The following KANSL1L variants were observed in gnomAD, a reference collection of about 807,000 sequenced individuals.
KANSL1L encodes the protein KAT8 regulatory NSL complex subunit 1-like protein.
KANSL1L carries 25 observed loss-of-function variants against 108.6 expected under a neutral mutation model. The ratio of observed to expected loss-of-function variants is 0.23; its 90% CI spans 0.17 to 0.32. KANSL1L has a LOEUF of 0.32. Among genes scored for constraint, KANSL1L ranks in the 10% least tolerant of loss-of-function variants. KANSL1L has a pLI of 1.00. For synonymous variants in KANSL1L, 405 were observed against 395.1 expected, an observed-to-expected ratio of 1.03 and a Z score of -0.30; for missense variants, 1,137 against 1,125.7, an observed-to-expected ratio of 1.01 and a Z score of -0.14.
intron 6 of KANSL1L, among the ~76,000 whole-genome samples, chr2:210,063,066 T>C (rs928771250): frequency 1.1e-4 from 17 of 152,212 alleles, no homozygotes; most frequent in African/African-American, 3.9e-4. Flanking sequence ...GTCGCTGTGC[T>C]GTGTGCAGCC....
intron 1 of KANSL1L, among the ~76,000 whole-genome samples, chr2:210,155,651 G>C (rs949017475): frequency 1.3e-5 from 2 of 152,128 alleles, no homozygotes; most frequent in African/African-American, 4.8e-5. Context: ...AAATTTCATT[G>C]CATATTATCA....
At chr2:210,151,770 G>A (rs578024768) in intron 2 of KANSL1L, 1 of 152,176 alleles carries the variant, frequency 6.6e-6, no homozygotes, top group African/African-American at 2.4e-5. Context: ...AAAATAATCT[G>A]CGCTTATTAA....
chr2:210,045,882 T>C (rs1209884878), intron 6 of KANSL1L, among the ~76,000 whole-genome samples: 2 of 152,228 alleles, frequency 1.3e-5, no homozygotes, highest in Non-Finnish European at 2.9e-5. Flanking sequence ...TCTGTGTCTT[T>C]ACTTTTTTAG....
At chr2:210,172,434 C>G (rs1688385708), upstream of KANSL1L, among the ~76,000 whole-genome samples, 1 of 152,212 alleles carries the variant, frequency 6.6e-6, no homozygotes, top group African/African-American at 2.4e-5. Flanking sequence ...GCAGTCATAA[C>G]AAAGCGTAAT....
At chr2:210,097,265 A>G (rs950960836) in intron 5 of KANSL1L, 1 of 941,888 alleles carries the variant, frequency 1.1e-6, no homozygotes, top group Non-Finnish European at 1.3e-6. Context: ...ACTTAGCATA[A>G]TTTTCACCAT....
intron 5 of KANSL1L, among the ~76,000 whole-genome samples, chr2:210,080,610 C>T (rs958441212): frequency 1.3e-5 from 2 of 152,188 alleles, no homozygotes; most frequent in African/African-American, 4.8e-5. Flanking sequence ...CTTGAAGCCA[C>T]TTGCTATGTG....
At chr2:210,112,801 C>T (rs1460816755) in intron 3 of KANSL1L, among the ~76,000 whole-genome samples, 1 of 152,104 alleles carries the variant, frequency 6.6e-6, no homozygotes, top group South Asian at 2.1e-4. Context: ...ACCTAGACAC[C>T]ACCTGCATTG....
In KANSL1L at chr2:210,079,129, TA is replaced by T. The variant is rs1160535724; in HGVS notation, c.1551-3374del. On this transcript the variant is annotated intron_variant, in intron 5 of 14. Coordinates refer to ENST00000281772, the MANE Select transcript of KANSL1L (RefSeq NM_152519.4). ...CAACTCCTGCCTAGATGACAGTCCTTAAAAAATTTTTTTAAAGTCATAATAA... is the reference window on the plus strand; with the variant it reads ...CAACTCCTGCCTAGATGACAGTCCTTAAAAATTTTTTTAAAGTCATAATAA... Among the ~76,000 whole-genome samples, 3 of 151,928 alleles carry T rather than the reference TA, an allele frequency of 2.0e-5. No individual in the cohort carries two copies. The East Asian group carries it at 5.8e-4, about 29-fold the overall frequency.
At chr2:210,068,305 T>C (rs2094482239) in intron 6 of KANSL1L, among the ~76,000 whole-genome samples, 1 of 152,320 alleles carries the variant, frequency 6.6e-6, no homozygotes, top group Middle Eastern at 3.4e-3. Context: ...TCTTGTTTTT[T>C]TTAGCCATTT....
intron 6 of KANSL1L, among the ~76,000 whole-genome samples, chr2:210,062,725 G>C (rs1241232248): frequency 6.6e-6 from 1 of 152,154 alleles, no homozygotes; most frequent in Non-Finnish European, 1.5e-5. Context: ...ACTTGAGAGA[G>C]ATGATTTAGG....
intron 3 of KANSL1L, among the ~76,000 whole-genome samples, chr2:210,123,875 C>T (rs944112436): frequency 1.1e-4 from 16 of 151,826 alleles, no homozygotes; most frequent in African/African-American, 3.9e-4. Context: ...GAGCTTGACC[C>T]TCCAGTCTCC....
chr2:210,104,943 G>A (rs925182970), intron 3 of KANSL1L, among the ~76,000 whole-genome samples: 4 of 152,004 alleles, frequency 2.6e-5, no homozygotes, highest in African/African-American at 9.7e-5. Context: ...CTTTGATGGG[G>A]TATATTCTGA....
intron 8 of KANSL1L, among the ~76,000 whole-genome samples, chr2:210,039,857 T>C (rs1023000641): frequency 7.9e-5 from 12 of 151,866 alleles, no homozygotes; most frequent in Non-Finnish European, 1.8e-4. Flanking sequence ...CCCACTAATA[T>C]ACAATTCTTC....
intron 1 of KANSL1L, among the ~76,000 whole-genome samples, chr2:210,168,019 T>G (rs1688089891): frequency 6.6e-6 from 1 of 152,076 alleles, no homozygotes; most frequent in Non-Finnish European, 1.5e-5. Context: ...TCCTTGCCTT[T>G]CTAAATGGAA....
intron 5 of KANSL1L, among the ~76,000 whole-genome samples, chr2:210,091,329 A>T (rs1359955157): frequency 6.6e-6 from 1 of 152,138 alleles, no homozygotes; most frequent in Non-Finnish European, 1.5e-5. Flanking sequence ...CTCCTATGTG[A>T]CTATTTTCTA....
At chr2:210,125,953 C>G (rs1484813497) in intron 3 of KANSL1L, among the ~76,000 whole-genome samples, 1 of 152,052 alleles carries the variant, frequency 6.6e-6, no homozygotes, top group Non-Finnish European at 1.5e-5. Context: ...CACTTCTATT[C>G]AACACAGTAT....
chr2:210,032,274 A>G (rs999396975), intron 8 of KANSL1L: 6 of 152,236 alleles, frequency 3.9e-5, no homozygotes, highest in African/African-American at 1.2e-4. Flanking sequence ...TGGTTTCAAG[A>G]TGGCAAATGA....
chr2:210,022,556 A>C lies in KANSL1L; in HGVS notation c.*393T>G, dbSNP rs1475623667. 1 of 175,626 alleles carries C rather than the reference A, an allele frequency of 5.7e-6. No homozygotes were observed. Among genetic ancestry groups the C allele is most frequent in the Non-Finnish European group, 1.2e-5 (1 of 82,060 alleles). The allele number at this position is 175,626 out of a possible 1,614,324, so 10.9% of individuals were successfully genotyped here. On this transcript the variant is annotated 3_prime_UTR_variant, in exon 15 of 15. Coordinates refer to ENST00000281772, the MANE Select transcript of KANSL1L (RefSeq NM_152519.4). Reference sequence around the variant, plus strand: ...TATATTACTAAGGCAATTTTAATGAATTACCATGTATATAAAAAAATAGCT... The same window carrying C: ...TATATTACTAAGGCAATTTTAATGACTTACCATGTATATAAAAAAATAGCT...
chr2:210,060,298 A>G (rs759344477), intron 6 of KANSL1L, among the ~76,000 whole-genome samples: 2 of 152,228 alleles, frequency 1.3e-5, no homozygotes, highest in Non-Finnish European at 2.9e-5. Context: ...GACTACAAAC[A>G]CTACTTTTGC....
Sources: gnomAD v4.1 joint callset for allele counts (sites outside exome capture counted in the v4.1 genomes callset) on GRCh38, gnomAD v4.1.1 for gene constraint, MANE v1.5 for transcripts, NCBI Gene and HGNC (gene_info 2026-07-23, HGNC 2026-07-21) for gene names.